Variants in GNAL observed in about 807,000 individuals in gnomAD.
GNAL encodes G protein subunit alpha L, also known as guanine nucleotide-binding protein G(olf) subunit alpha.
A neutral mutation model predicts 55.1 loss-of-function variants in GNAL; 18 were observed. That is an observed-to-expected ratio of 0.33 (90% CI 0.23 to 0.48). GNAL has a LOEUF of 0.48. Among genes scored for constraint, GNAL ranks in the 20% least tolerant of loss-of-function variants. The pLI is 0.99. For synonymous variants in GNAL, 253 were observed against 237.0 expected (o/e 1.07, Z -0.62); for missense variants, 412 against 614.1 (o/e 0.67, Z 3.48).
rs370046952 is a variant in GNAL at position 11,851,940 on chromosome 18, C to G, written c.723-10455C>G. ...CGATGAGCAGCACGACGACGCTCAC[C>G]ACTCCCCAGAACCAAGTGGATATGC... On this transcript the variant is annotated intron_variant, in intron 5 of 11. Transcript: ENST00000334049. The G allele has an allele frequency of 8.1e-6, 13 of 1,613,848 alleles. No homozygotes were observed. The African/African-American group carries it at 1.7e-4, about 22-fold the overall frequency.
At chr18:11,768,908 AT>A (rs1225957523) in intron 4 of GNAL, among the ~76,000 whole-genome samples, 14 of 120,062 alleles carry the variant, frequency 1.2e-4, no homozygotes, top group East Asian at 4.1e-4. Context: ...AAAAAAAAAA[AT>A]ATATATATAA....
intron 1 of GNAL, among the ~76,000 whole-genome samples, chr18:11,733,227 C>G (rs559501590): frequency 6.6e-6 from 1 of 152,212 alleles, no homozygotes; most frequent in East Asian, 1.9e-4. Flanking sequence ...CGACTGGGGA[C>G]TTGGAGGTGT....
intron 11 of GNAL, among the ~76,000 whole-genome samples, chr18:11,879,565 T>G (rs2036612886): frequency 6.6e-6 from 1 of 152,172 alleles, no homozygotes. Flanking sequence ...TCATATTGCA[T>G]TAGGGCCCAC....
Position 11,710,336 on chromosome 18 carries a change from C to T in GNAL, c.376+20397C>T, listed in dbSNP as rs141394871. 1.6e-3 allele frequency among the ~76,000 whole-genome samples: 238 copies of T among 152,236 alleles called. 1 individual carries two copies. The highest frequency in any genetic ancestry group is 5.4e-3 in the African/African-American group (223 of 41,530). On this transcript the variant is annotated intron_variant, in intron 1 of 11. Coordinates refer to ENST00000334049, the MANE Select transcript of GNAL (RefSeq NM_182978.4). ...AGTGTTCCCTTTATGTTATTGATGACGCAGTTTACATCTTTTTATGTTGTG... is the reference window on the plus strand; with the variant it reads ...AGTGTTCCCTTTATGTTATTGATGATGCAGTTTACATCTTTTTATGTTGTG...
intron 4 of GNAL, among the ~76,000 whole-genome samples, chr18:11,777,451 A>G (rs1247654750): frequency 6.6e-6 from 1 of 152,228 alleles, no homozygotes; most frequent in Non-Finnish European, 1.5e-5. Flanking sequence ...TGTGTCCAGA[A>G]TACAGCAATA....
intron 1 of GNAL, among the ~76,000 whole-genome samples, chr18:11,748,821 A>G (rs1302784804): frequency 1.3e-5 from 2 of 152,082 alleles, no homozygotes; most frequent in Non-Finnish European, 2.9e-5. Flanking sequence ...TTCAAAAAAA[A>G]GCACAGACAC....
intron 10 of GNAL, among the ~76,000 whole-genome samples, chr18:11,875,953 G>A (rs1366953363): frequency 6.6e-6 from 1 of 151,142 alleles, no homozygotes; most frequent in Non-Finnish European, 1.5e-5. Context: ...GGTGGAGAGG[G>A]TGAGGGGTCT....
At chr18:11,784,678 T>C (rs2034009873) in intron 4 of GNAL, among the ~76,000 whole-genome samples, 1 of 152,164 alleles carries the variant, frequency 6.6e-6, no homozygotes, top group Non-Finnish European at 1.5e-5. Flanking sequence ...TTGGCTGTGG[T>C]CTGTGTGTGT....
chr18:11,815,749 A>G (rs4239301), intron 4 of GNAL, among the ~76,000 whole-genome samples: 114,525 of 152,186 alleles, frequency 0.75, 43,945 homozygotes, highest in Admixed American at 0.85. Flanking sequence ...GAATTTGGGA[A>G]AAAATATTTG....
At chr18:11,738,308 G>A (rs1195251830) in intron 1 of GNAL, among the ~76,000 whole-genome samples, 1 of 152,140 alleles carries the variant, frequency 6.6e-6, no homozygotes, top group Non-Finnish European at 1.5e-5. Context: ...CTGGACCCCT[G>A]GCCCTTGGCT....
intron 5 of GNAL, among the ~76,000 whole-genome samples, chr18:11,833,016 C>T (rs73407463): frequency 0.016 from 2,437 of 151,714 alleles, 69 homozygotes; most frequent in African/African-American, 0.056. Flanking sequence ...TCATTTTGAT[C>T]TCTATCTCTA....
At chr18:11,792,250 A>G (rs768048261) in intron 4 of GNAL, among the ~76,000 whole-genome samples, 9 of 151,448 alleles carry the variant, frequency 5.9e-5, no homozygotes, top group East Asian at 1.9e-4. Flanking sequence ...GTGGCGTGCA[A>G]TCTCAGCTTA....
chr18:11,875,101 C>G (rs2036500161), intron 10 of GNAL, among the ~76,000 whole-genome samples: 1 of 152,188 alleles, frequency 6.6e-6, no homozygotes, highest in Admixed American at 6.5e-5. Flanking sequence ...CCATAGTGAT[C>G]TGGGTGCTCC....
Position 11,880,970 on chromosome 18 carries a change from C to G in GNAL, c.1231-19C>G. 1 of 1,611,592 alleles carries G rather than the reference C, an allele frequency of 6.2e-7. No homozygotes were observed. The highest frequency in any genetic ancestry group is 2.2e-5 in the East Asian group (1 of 44,848). ...ATGCTGGGGCCGCGCAGGGCTAGTG[C>G]ACACGCTCTCTCTTGCAGAGGATCA... On this transcript the variant is annotated intron_variant, in intron 11 of 11. Transcript: ENST00000334049.
At position 11,751,628 on chromosome 18, in the gene GNAL, C is replaced by T; in HGVS notation, c.377-1225C>T. 1.0e-6 allele frequency: 1 copy of T among 985,406 alleles called. No homozygotes were observed. The highest frequency in any genetic ancestry group is 1.2e-6 in the Non-Finnish European group (1 of 829,972). 61.0% of individuals were successfully genotyped at this position (985,406 alleles called of 1,614,324 possible). A position where few individuals can be genotyped will look rare whatever the true frequency, so the allele number is the denominator to read the frequency against. On this transcript the variant is annotated intron_variant, in intron 1 of 11. Coordinates refer to ENST00000334049, the MANE Select transcript of GNAL (RefSeq NM_182978.4). The surrounding 1 kb of genome is among the most constrained non-coding windows in gnomAD (Gnocchi z 4.5). ...GGGGCGCGCGCCCAGACGCACTTTC[C>T]CGGCTCGGGGTGCAAGAGAGCCAGG...
chr18:11,780,378 A>T (rs1045663929), intron 4 of GNAL, among the ~76,000 whole-genome samples: 28 of 150,172 alleles, frequency 1.9e-4, no homozygotes, highest in African/African-American at 6.8e-4. Context: ...CTTATATTTA[A>T]AAAAAAAAAG....
Position 11,883,241 on chromosome 18 carries a change from A to G in GNAL, c.*2106A>G, listed in dbSNP as rs1316122898. On this transcript the variant is annotated 3_prime_UTR_variant, in exon 12 of 12. Transcript: ENST00000334049. ...TTACTGCCTCCCCATCCACTGTCTC[A>G]TAAAGCCCTCAGCTGAACTAAGATA... 6.6e-6 allele frequency: 1 copy of G among 152,186 alleles called. No homozygotes were observed. The highest frequency in any genetic ancestry group is 2.4e-5 in the African/African-American group (1 of 41,412). 9.4% of individuals were successfully genotyped at this position (152,186 alleles called of 1,614,324 possible).
At chr18:11,876,420 G>A (rs766117906) in intron 10 of GNAL, among the ~76,000 whole-genome samples, 12 of 141,932 alleles carry the variant, frequency 8.5e-5, no homozygotes, top group Admixed American at 2.8e-4. Flanking sequence ...CCGAGATCAT[G>A]CCACTGCACT....
chr18:11,829,838 C>T (rs532337626), intron 5 of GNAL, among the ~76,000 whole-genome samples: 15 of 152,058 alleles, frequency 9.9e-5, no homozygotes, highest in South Asian at 2.1e-4. Flanking sequence ...GGTGAAACCC[C>T]GTCTCTACTA....
Sources: allele counts gnomAD v4.1 joint callset (sites outside exome capture counted in the v4.1 genomes callset), GRCh38; gene constraint gnomAD v4.1.1; non-coding constraint Gnocchi (gnomAD v3.1); transcripts MANE v1.5; gene names NCBI Gene and HGNC (gene_info 2026-07-23, HGNC 2026-07-21).